Variants in FBXL7 observed in about 807,000 individuals in gnomAD.
FBXL7 encodes F-box/LRR-repeat protein 7.
FBXL7 carries 12 observed loss-of-function variants against 38.3 expected under a neutral mutation model. The observed-to-expected ratio is 0.31, with a 90% CI of 0.20 to 0.51. The LOEUF is 0.51. Ranked by LOEUF, FBXL7 falls within the 20% of genes least tolerant of loss-of-function variation. FBXL7 has a pLI of 0.98. For synonymous variants in FBXL7, 297 were observed against 300.9 expected (o/e 0.99, Z 0.13); for missense variants, 567 against 676.4 (o/e 0.84, Z 1.79).
intron 1 of FBXL7, among the ~76,000 whole-genome samples, chr5:15,583,718 G>A (rs1197734307): frequency 1.3e-5 from 2 of 152,196 alleles, no homozygotes; most frequent in Admixed American, 6.5e-5. Context: ...AGTGCCTGCA[G>A]CATTTCCTGG....
At chr5:15,567,944 G>T (rs7444364) in intron 1 of FBXL7, among the ~76,000 whole-genome samples, 78,204 of 150,830 alleles carry the variant, frequency 0.52, 20,567 homozygotes, top group African/African-American at 0.6. Flanking sequence ...TTTTATGGCT[G>T]CATAGTATTC....
At chr5:15,894,327 C>T (rs563830366) in intron 2 of FBXL7, among the ~76,000 whole-genome samples, 14 of 152,294 alleles carry the variant, frequency 9.2e-5, no homozygotes, top group South Asian at 2.1e-4. Context: ...ACAGAAGGGT[C>T]AAATGGACTT....
At chr5:15,794,196 G>A (rs937466832) in intron 2 of FBXL7, among the ~76,000 whole-genome samples, 1 of 152,316 alleles carries the variant, frequency 6.6e-6, no homozygotes, top group East Asian at 1.9e-4. Context: ...GGAATAGACA[G>A]TCTACTTGTA....
intron 3 of FBXL7, among the ~76,000 whole-genome samples, chr5:15,935,783 C>T (rs1303845705): frequency 2.0e-5 from 3 of 152,222 alleles, no homozygotes; most frequent in Non-Finnish European, 4.4e-5. Flanking sequence ...TTTCAGAGCA[C>T]ATGCATATCT....
At chr5:15,723,675 G>A (rs896181022) in intron 2 of FBXL7, among the ~76,000 whole-genome samples, 1 of 152,164 alleles carries the variant, frequency 6.6e-6, no homozygotes, top group Admixed American at 6.5e-5. Context: ...GATGAGTTTT[G>A]TGTCTTTCTT....
chr5:15,590,894 TGTATTA>T (rs1049963108), intron 1 of FBXL7, among the ~76,000 whole-genome samples: 12 of 152,268 alleles, frequency 7.9e-5, no homozygotes, highest in African/African-American at 2.9e-4. Flanking sequence ...ACCTAAAAGT[TGTATTA>T]TTATTTTATG....
intron 3 of FBXL7, among the ~76,000 whole-genome samples, chr5:15,930,849 G>T (rs568374857): frequency 6.6e-6 from 1 of 152,330 alleles, no homozygotes; most frequent in African/African-American, 2.4e-5. Flanking sequence ...CCTACTAAGG[G>T]TGCCCTCCTC....
chr5:15,709,161 A>G (rs1481981626), intron 2 of FBXL7, among the ~76,000 whole-genome samples: 2 of 152,202 alleles, frequency 1.3e-5, no homozygotes, highest in South Asian at 4.1e-4. Context: ...AGTACCGTGG[A>G]CACATAAGAC....
At chr5:15,911,526 G>A (rs1298890414) in intron 2 of FBXL7, among the ~76,000 whole-genome samples, 7 of 131,386 alleles carry the variant, frequency 5.3e-5, no homozygotes, top group East Asian at 2.1e-4. Context: ...CTCTCAGCTC[G>A]TCAAAATCAT....
At chr5:15,693,744 C>A (rs889586730) in intron 2 of FBXL7, among the ~76,000 whole-genome samples, 3 of 152,164 alleles carry the variant, frequency 2.0e-5, no homozygotes, top group South Asian at 2.1e-4. Context: ...AGTGGTGGAA[C>A]GACGCAGATG....
intron 1 of FBXL7, among the ~76,000 whole-genome samples, chr5:15,606,127 C>T (rs1045032471): frequency 1.3e-5 from 2 of 152,096 alleles, no homozygotes; most frequent in African/African-American, 4.8e-5. Context: ...TCAGTTCATC[C>T]TTAGAAATAT....
intron 1 of FBXL7, among the ~76,000 whole-genome samples, chr5:15,553,748 T>C (rs1738154087): frequency 6.6e-6 from 1 of 152,240 alleles, no homozygotes; most frequent in African/African-American, 2.4e-5. Context: ...AGGGTAATTA[T>C]GCAGAATGCA....
intron 2 of FBXL7, among the ~76,000 whole-genome samples, chr5:15,678,407 G>A (rs1742729471): frequency 2.0e-5 from 3 of 152,162 alleles, no homozygotes; most frequent in Non-Finnish European, 2.9e-5. Flanking sequence ...GCTTACCGGT[G>A]TCATATATGT....
chr5:15,750,944 T>C (rs1006235300), intron 2 of FBXL7, among the ~76,000 whole-genome samples: 2 of 152,204 alleles, frequency 1.3e-5, no homozygotes, highest in Non-Finnish European at 2.9e-5. Context: ...AAAGACACAA[T>C]GCACAAACCT....
intron 2 of FBXL7, among the ~76,000 whole-genome samples, chr5:15,899,445 T>C (rs1741182707): frequency 6.6e-6 from 1 of 152,240 alleles, no homozygotes; most frequent in South Asian, 2.1e-4. Context: ...ATTGAAATGA[T>C]AGCATGTGAT....
intron 1 of FBXL7, among the ~76,000 whole-genome samples, chr5:15,538,284 C>T (rs1263124170): frequency 6.6e-6 from 1 of 152,102 alleles, no homozygotes; most frequent in African/African-American, 2.4e-5. Context: ...GGAAAAAATT[C>T]CTGATCCCAT....
intron 2 of FBXL7, among the ~76,000 whole-genome samples, chr5:15,622,809 A>G (rs1489177312): frequency 1.3e-5 from 2 of 152,138 alleles, no homozygotes; most frequent in Admixed American, 6.5e-5. Flanking sequence ...GGTTCAAGCG[A>G]TTCTCCTGCT....
intron 1 of FBXL7, among the ~76,000 whole-genome samples, chr5:15,590,110 G>T (rs1739426999): frequency 6.6e-6 from 1 of 152,190 alleles, no homozygotes; most frequent in Admixed American, 6.5e-5. Flanking sequence ...ATGCTTGGAA[G>T]AGGGAAGTGG....
At chr5:15,520,668 C>T (rs143194600) in intron 1 of FBXL7, among the ~76,000 whole-genome samples, 2,341 of 152,236 alleles carry the variant, frequency 0.015, 24 homozygotes, top group Non-Finnish European at 0.022. Flanking sequence ...AGTTTCCTAA[C>T]GGGAAATATT....
Sources: allele counts gnomAD v4.1 joint callset (sites outside exome capture counted in the v4.1 genomes callset), GRCh38; gene constraint gnomAD v4.1.1; transcripts MANE v1.5; gene names NCBI Gene and HGNC (gene_info 2026-07-23, HGNC 2026-07-21).